The following GRM7 variants were observed in gnomAD, a reference collection of about 807,000 sequenced individuals.
The protein encoded by GRM7 is glutamate metabotropic receptor 7.
Under a neutral mutation model 84.5 loss-of-function variants are expected in GRM7, and 35 were observed. The observed-to-expected ratio is 0.41, with a 90% CI of 0.32 to 0.55. The LOEUF is 0.55. Among genes scored for constraint, GRM7 ranks in the 20% least tolerant of loss-of-function variants. The pLI is 0.19. For synonymous variants in GRM7, 487 were observed against 455.1 expected, an observed-to-expected ratio of 1.07 and a Z score of -0.89; for missense variants, 1,003 against 1,194.6, an observed-to-expected ratio of 0.84 and a Z score of 2.36.
chr3:7,725,144 G>T (rs1356794280), intron 9 of GRM7, among the ~76,000 whole-genome samples: 2 of 152,166 alleles, frequency 1.3e-5, no homozygotes, highest in African/African-American at 2.4e-5. Flanking sequence ...GAGTGACAGT[G>T]ATATGACAAA....
chr3:7,733,766 C>T lies in GRM7; in HGVS notation c.2699-6591C>T, dbSNP rs147193008. 4.9e-3 allele frequency among the ~76,000 whole-genome samples: 744 copies of T among 152,256 alleles called. 7 individuals carry two copies. The highest frequency in any genetic ancestry group is 0.015 in the African/African-American group (636 of 41,536). On this transcript the variant is annotated intron_variant, in intron 9 of 9. Coordinates refer to ENST00000357716, the MANE Select transcript of GRM7 (RefSeq NM_000844.4). ...TATTGAAGTAATTTATGTGGCCCTG[C>T]CTACCTTTCCAGCCTTGACTTCCAG... is the stretch of plus-strand genomic sequence containing the variant.
chr3:7,362,350 A>G (rs1693701766), intron 4 of GRM7, among the ~76,000 whole-genome samples: 1 of 151,920 alleles, frequency 6.6e-6, no homozygotes. Context: ...ATACACACAC[A>G]CACACACACA....
rs1016756208 is a variant in GRM7, at chr3:7,486,319, T to A, written c.1515+24597T>A. ...TGATGGTGATAAAAGGTAGGAAGAC[T>A]ATTTTATTTGTTTCTATCTCTGCTA... On this transcript the variant is annotated intron_variant, in intron 7 of 9. Transcript: ENST00000357716. The surrounding 1 kb of genome is among the most constrained non-coding windows in gnomAD (Gnocchi z 5.5). Among the ~76,000 whole-genome samples, 2 of 152,174 alleles carry A rather than the reference T, an allele frequency of 1.3e-5. No individual in the cohort carries two copies. The highest frequency in any genetic ancestry group is 2.9e-5 in the Non-Finnish European group (2 of 68,024).
chr3:7,419,423 G>A (rs1023261952), intron 5 of GRM7, among the ~76,000 whole-genome samples: 3 of 152,034 alleles, frequency 2.0e-5, no homozygotes, highest in African/African-American at 7.2e-5. Flanking sequence ...TTCTCCTGAG[G>A]AGCTGTGTCC....
At chr3:7,104,157 C>T (rs1699220240) in intron 1 of GRM7, among the ~76,000 whole-genome samples, 1 of 151,566 alleles carries the variant, frequency 6.6e-6, no homozygotes, top group Middle Eastern at 3.2e-3. Context: ...CTCTCTCTTT[C>T]TCTTTCTCTT....
chr3:7,015,540 GA>G (rs899228983), intron 1 of GRM7, among the ~76,000 whole-genome samples: 1 of 152,158 alleles, frequency 6.6e-6, no homozygotes, highest in African/African-American at 2.4e-5. Context: ...TTAAAATAAT[GA>G]AAACATATCC....
rs552400470 is a variant in GRM7, at chr3:7,727,858, A to G, written c.2699-12499A>G. Among the ~76,000 whole-genome samples, 38 of 152,290 alleles carry G rather than the reference A, an allele frequency of 2.5e-4. No homozygotes were observed. The South Asian group carries it at 7.9e-3, about 32-fold the overall frequency. On this transcript the variant is annotated intron_variant, in intron 9 of 9. Coordinates refer to ENST00000357716, the MANE Select transcript of GRM7 (RefSeq NM_000844.4). ...TCCATCTCCCATGGCCAAGATCCCA[A>G]CATACACAGTCCTTGGGACATTCTA...
chr3:7,307,890 T>G (rs977672463), intron 4 of GRM7, among the ~76,000 whole-genome samples: 17 of 152,100 alleles, frequency 1.1e-4, no homozygotes, highest in Non-Finnish European at 2.9e-5. Flanking sequence ...CAGAGCTGAG[T>G]GCAGGTGTCA....
At chr3:7,301,267 A>AGTTTAAGGGACTTAACTGAT in intron 3 of GRM7, among the ~76,000 whole-genome samples, 1 of 152,238 alleles carries the variant, frequency 6.6e-6, no homozygotes, top group South Asian at 2.1e-4. Context: ...GATTCTGATC[A>AGTTTAAGGGACTTAACTGAT]TCCCTTAAAT....
chr3:7,357,405 G>A (rs1693457836), intron 4 of GRM7, among the ~76,000 whole-genome samples: 1 of 151,838 alleles, frequency 6.6e-6, no homozygotes, highest in Non-Finnish European at 1.5e-5. Context: ...TGCCTACCCA[G>A]CAACCCAGCA....
At chr3:7,107,771 T>A (rs907813989) in intron 1 of GRM7, among the ~76,000 whole-genome samples, 1 of 152,116 alleles carries the variant, frequency 6.6e-6, no homozygotes, top group Non-Finnish European at 1.5e-5. Flanking sequence ...TAGTCATTTT[T>A]ACCATGCTAC....
At chr3:7,643,139 G>A in intron 8 of GRM7, among the ~76,000 whole-genome samples, 1 of 152,146 alleles carries the variant, frequency 6.6e-6, no homozygotes, top group East Asian at 1.9e-4. Context: ...TGGGATTTCA[G>A]CATCCAATTC....
intron 1 of GRM7, among the ~76,000 whole-genome samples, chr3:6,932,216 T>C (rs1697525521): frequency 6.6e-6 from 1 of 152,234 alleles, no homozygotes; most frequent in African/African-American, 2.4e-5. Context: ...CCTAAATGCA[T>C]TTTAAAAGAA....
chr3:7,189,130 C>T (rs1248489198), intron 2 of GRM7, among the ~76,000 whole-genome samples: 1 of 151,992 alleles, frequency 6.6e-6, no homozygotes, highest in Non-Finnish European at 1.5e-5. Context: ...ACAGGAGAAG[C>T]CATATATTTA....
At chr3:7,339,993 C>T (rs1252747923) in intron 4 of GRM7, among the ~76,000 whole-genome samples, 1 of 151,982 alleles carries the variant, frequency 6.6e-6, no homozygotes, top group Non-Finnish European at 1.5e-5. Context: ...AAATAACTTT[C>T]CTAAAAATCA....
rs1311453644 is a variant in GRM7, at chr3:7,151,994, A to G, written c.736+5326A>G. Among the ~76,000 whole-genome samples, 1 of 152,076 alleles carries G rather than the reference A, an allele frequency of 6.6e-6. No individual in the cohort carries two copies. Among genetic ancestry groups the G allele is most frequent in the East Asian group, 1.9e-4 (1 of 5,186 alleles). On this transcript the variant is annotated intron_variant, in intron 2 of 9. Coordinates refer to ENST00000357716, the MANE Select transcript of GRM7 (RefSeq NM_000844.4). The surrounding 1 kb of genome is among the most constrained non-coding windows in gnomAD (Gnocchi z 4.5). ...TTAAAACTAGGTAGATTATTTTCCT[A>G]ATGAGGTGTTTGGTGGTTCCAGCTT...
intron 1 of GRM7, among the ~76,000 whole-genome samples, chr3:6,940,883 A>G (rs1427426126): frequency 6.6e-6 from 1 of 152,224 alleles, no homozygotes; most frequent in Non-Finnish European, 1.5e-5. Context: ...AAATTCCTGC[A>G]GTCACTTCTT....
chr3:7,248,545 G>A (rs925449721), intron 2 of GRM7, among the ~76,000 whole-genome samples: 4 of 151,940 alleles, frequency 2.6e-5, no homozygotes, highest in African/African-American at 9.7e-5. Flanking sequence ...ATTTGTCAAA[G>A]CTTATTGAAC....
chr3:6,874,574 G>C (rs1437814492), intron 1 of GRM7, among the ~76,000 whole-genome samples: 1 of 152,152 alleles, frequency 6.6e-6, no homozygotes, highest in African/African-American at 2.4e-5. Context: ...TCATTTTACT[G>C]ATAAAGACAC....
Sources: allele counts gnomAD v4.1 joint callset (sites outside exome capture counted in the v4.1 genomes callset), GRCh38; gene constraint gnomAD v4.1.1; non-coding constraint Gnocchi (gnomAD v3.1); transcripts MANE v1.5; gene names NCBI Gene and HGNC (gene_info 2026-07-23, HGNC 2026-07-21).